The following NRXN3 variants were observed in gnomAD, a reference collection of about 807,000 sequenced individuals.
NRXN3 encodes the protein neurexin III.
NRXN3 carries 32 observed loss-of-function variants against 137.6 expected under a neutral mutation model. The ratio of observed to expected loss-of-function variants is 0.23; its 90% CI spans 0.18 to 0.31. NRXN3 has a LOEUF of 0.31. Ranked by LOEUF, NRXN3 falls within the 10% of genes least tolerant of loss-of-function variation. NRXN3 has a pLI of 1.00. For synonymous variants in NRXN3, 798 were observed against 784.5 expected, an observed-to-expected ratio of 1.02 and a Z score of -0.29; for missense variants, 1,574 against 2,062.5, an observed-to-expected ratio of 0.76 and a Z score of 4.59.
intron 3 of NRXN3, among the ~76,000 whole-genome samples, chr14:78,297,490 CT>C (rs1341680116): frequency 6.6e-6 from 1 of 152,178 alleles, no homozygotes; most frequent in African/African-American, 2.4e-5. Context: ...GGGACTTAAT[CT>C]TTAACAGATT....
At chr14:78,490,150 T>C (rs1599372742) in intron 4 of NRXN3, among the ~76,000 whole-genome samples, 1 of 151,812 alleles carries the variant, frequency 6.6e-6, no homozygotes, top group Admixed American at 6.6e-5. Context: ...CCTGATCTTG[T>C]GATCCACCCA....
chr14:79,774,089 G>A (rs1251716585), intron 19 of NRXN3, among the ~76,000 whole-genome samples: 1 of 152,154 alleles, frequency 6.6e-6, no homozygotes, highest in African/African-American at 2.4e-5. Flanking sequence ...TGGGGAAAGA[G>A]AAACCCCCGA....
chr14:78,237,957 C>G (rs1567044425), intron 1 of NRXN3, among the ~76,000 whole-genome samples: 1 of 152,154 alleles, frequency 6.6e-6, no homozygotes, highest in Non-Finnish European at 1.5e-5. Flanking sequence ...ATCGTGACTT[C>G]CTAAATCAAA....
At chr14:79,111,361 G>A (rs1232124698) in intron 15 of NRXN3, among the ~76,000 whole-genome samples, 1 of 152,152 alleles carries the variant, frequency 6.6e-6, no homozygotes, top group African/African-American at 2.4e-5. Flanking sequence ...TCTTTTACCT[G>A]TGCTGCTTTT....
At chr14:79,438,314 G>C (rs955230943) in intron 15 of NRXN3, among the ~76,000 whole-genome samples, 1 of 152,182 alleles carries the variant, frequency 6.6e-6, no homozygotes, top group Admixed American at 6.5e-5. Flanking sequence ...TCCTGGTTGA[G>C]TTTGTTAATA....
In NRXN3 at chr14:79,826,747, C is replaced by T. The variant is rs185777408; in HGVS notation, c.4093+21557C>T. Among the ~76,000 whole-genome samples the T allele has an allele frequency of 8.5e-5, 13 of 152,244 alleles. No homozygotes were observed. In the East Asian group the frequency reaches 1.5e-3, roughly 18 times the overall value. On this transcript the variant is annotated intron_variant, in intron 20 of 20. Coordinates refer to ENST00000335750, the MANE Select transcript of NRXN3 (RefSeq NM_001330195.2). ...TGATCCAATCCAAGATCACACATTG[C>T]ATTTAGTTGTCAAGCTCACCAACTT...
intron 2 of NRXN3, among the ~76,000 whole-genome samples, chr14:78,262,785 G>A (rs2070986087): frequency 6.6e-6 from 1 of 152,196 alleles, no homozygotes; most frequent in Non-Finnish European, 1.5e-5. Context: ...TGGAAAATCT[G>A]AGGCTGGGGA....
chr14:79,285,210 C>T lies in NRXN3; in HGVS notation c.3263-182011C>T, dbSNP rs7161108. On this transcript the variant is annotated intron_variant, in intron 15 of 20. Transcript: ENST00000335750. ...CGCACACACACACACAAAAACTTGC[C>T]GATACTGGCTGCGGGATGAAATTTT... Among the ~76,000 whole-genome samples the T allele has an allele frequency of 8.8e-3, 1,332 of 152,136 alleles. 23 individuals carry two copies. Among genetic ancestry groups the T allele is most frequent in the South Asian group, 0.078 (376 of 4,816 alleles).
At position 79,549,955 on chromosome 14, in the gene NRXN3, G is replaced by C. The variant is rs563387492; in HGVS notation, c.3444+82553G>C. On this transcript the variant is annotated intron_variant, in intron 16 of 20. Coordinates refer to ENST00000335750, the MANE Select transcript of NRXN3 (RefSeq NM_001330195.2). The stretch of plus-strand genomic sequence containing the variant: ...CTTCCTACAGGTTACTTCTCATATT[G>C]TTGGGTGTTTGTTTGTTTGTTAGTT... Among the ~76,000 whole-genome samples, 73 of 129,236 alleles carry C rather than the reference G, an allele frequency of 5.6e-4. 1 individual carries two copies. The South Asian group carries it at 0.017, about 31-fold the overall frequency. The allele number at this position is 129,236 out of a possible 152,430, so 84.8% of individuals were successfully genotyped here.
chr14:78,207,662 C>G (rs2062341146), intron 1 of NRXN3, among the ~76,000 whole-genome samples: 2 of 152,218 alleles, frequency 1.3e-5, no homozygotes, highest in Non-Finnish European at 1.5e-5. Context: ...GGAATCTGAG[C>G]TGGAAAGGTG....
chr14:79,598,979 C>G (rs553464264), intron 16 of NRXN3, among the ~76,000 whole-genome samples: 6 of 152,332 alleles, frequency 3.9e-5, no homozygotes, highest in African/African-American at 1.4e-4. Flanking sequence ...TAGTTAACTG[C>G]TGTCTGTCTT....
chr14:79,755,767 TGG>T (rs2099017339), intron 19 of NRXN3, among the ~76,000 whole-genome samples: 1 of 152,154 alleles, frequency 6.6e-6, no homozygotes, highest in Non-Finnish European at 1.5e-5. Flanking sequence ...ATTGAATTCT[TGG>T]AAATCATGCC....
chr14:79,063,755 C>T (rs1210684544), intron 15 of NRXN3, among the ~76,000 whole-genome samples: 4 of 152,070 alleles, frequency 2.6e-5, no homozygotes, highest in Non-Finnish European at 5.9e-5. Flanking sequence ...CAGGGATTGG[C>T]AACCTCTTTA....
chr14:78,719,645 C>T lies in NRXN3; in HGVS notation c.2044+4506C>T, dbSNP rs138188377. 9.8e-3 allele frequency among the ~76,000 whole-genome samples: 1,499 copies of T among 152,210 alleles called. 29 individuals are homozygous for T. Among genetic ancestry groups the T allele is most frequent in the East Asian group, 0.042 (216 of 5,176 alleles). On this transcript the variant is annotated intron_variant, in intron 8 of 20. Coordinates refer to ENST00000335750, the MANE Select transcript of NRXN3 (RefSeq NM_001330195.2). ...TCACCTGAGGTCAGGAGTTCAAGAC[C>T]AGCCTGTCCAACATGGCAAAACCCC...
intron 16 of NRXN3, among the ~76,000 whole-genome samples, chr14:79,570,120 T>C (rs898876821): frequency 5.3e-5 from 8 of 152,174 alleles, no homozygotes; most frequent in African/African-American, 1.9e-4. Flanking sequence ...CCACTCTCAC[T>C]GTGTCATTTC....
At chr14:79,734,069 C>T (rs976415967) in intron 19 of NRXN3, among the ~76,000 whole-genome samples, 1 of 152,168 alleles carries the variant, frequency 6.6e-6, no homozygotes, top group Admixed American at 6.5e-5. Flanking sequence ...GAAATACCTT[C>T]CACTAGAGAC....
At chr14:79,806,783 TAATTC>T (rs2099207332) in intron 20 of NRXN3, among the ~76,000 whole-genome samples, 1 of 150,328 alleles carries the variant, frequency 6.7e-6, no homozygotes, top group Non-Finnish European at 1.5e-5. Flanking sequence ...ACTCCTCGCG[TAATTC>T]AATTCAACAG....
chr14:79,649,365 A>G (rs995310535), intron 16 of NRXN3, among the ~76,000 whole-genome samples: 3 of 152,180 alleles, frequency 2.0e-5, no homozygotes, highest in Non-Finnish European at 4.4e-5. Flanking sequence ...AGGGATACCT[A>G]CAGCAGAAAG....
intron 4 of NRXN3, among the ~76,000 whole-genome samples, chr14:78,524,192 A>AT (rs564175175): frequency 6.6e-6 from 1 of 152,024 alleles, no homozygotes; most frequent in African/African-American, 2.4e-5. Flanking sequence ...ATCTTAGTGT[A>AT]TGTTTTTTTT....
Sources: gnomAD v4.1 joint callset for allele counts (sites outside exome capture counted in the v4.1 genomes callset) on GRCh38, gnomAD v4.1.1 for gene constraint, MANE v1.5 for transcripts, NCBI Gene and HGNC (gene_info 2026-07-23, HGNC 2026-07-21) for gene names.